PIEZO2: variants seen among roughly 807,000 people sequenced by gnomAD.
PIEZO2 encodes the protein piezo-type mechanosensitive ion channel component 2.
In PIEZO2, 172 loss-of-function variants were observed where a neutral mutation model predicts 337.3. The observed-to-expected ratio is 0.51, with a 90% confidence interval of 0.45 to 0.58. The LOEUF is 0.58. Among genes scored for constraint, PIEZO2 ranks in the 20% least tolerant of loss-of-function variants. PIEZO2 has a pLI of 0.00. For synonymous variants in PIEZO2, 1,251 were observed against 1,228.5 expected, an observed-to-expected ratio of 1.02 and a Z score of -0.38; for missense variants, 3,028 against 3,391.3, an observed-to-expected ratio of 0.89 and a Z score of 2.66.
Position 10,707,371 on chromosome 18 carries a change from G to T in PIEZO2, c.5588+904C>A, listed in dbSNP as rs957888110. On this transcript the variant is annotated intron_variant, in intron 40 of 55. Coordinates refer to ENST00000674853, the MANE Select transcript of PIEZO2 (RefSeq NM_001378183.1). This position sits in a 1 kb window ranked among gnomAD's most constrained non-coding sequence, Gnocchi z 4.2. ...CATGGCAGGCACATGCCCGCCAGAG[G>T]ACTTTGTCAAATGGCCAAGGCATTC... is the stretch of plus-strand genomic sequence containing the variant. 6.6e-6 allele frequency among the ~76,000 whole-genome samples: 1 copy of T among 152,082 alleles called. No homozygotes were observed. Among genetic ancestry groups the T allele is most frequent in the African/African-American group, 2.4e-5 (1 of 41,404 alleles).
At chr18:10,843,060 T>G (rs11875480) in intron 7 of PIEZO2, among the ~76,000 whole-genome samples, 10,520 of 152,258 alleles carry the variant, frequency 0.069, 428 homozygotes, top group Non-Finnish European at 0.084. Flanking sequence ...ACAATCCAAG[T>G]AGTTATGAGG....
chr18:11,124,229 A>G (rs1313115024), intron 1 of PIEZO2, among the ~76,000 whole-genome samples: 1 of 152,204 alleles, frequency 6.6e-6, no homozygotes, highest in African/African-American at 2.4e-5. Context: ...GAGTTGCTCA[A>G]TATTTGCATG....
chr18:10,830,106 C>A lies in PIEZO2; in HGVS notation c.918-22832G>T, dbSNP rs185026050. ...CTGGCATAAAAACAGACACACAGACCAATGGAACAGAATAGGGAAGCCAGT... is the reference window on the plus strand; with the variant it reads ...CTGGCATAAAAACAGACACACAGACAAATGGAACAGAATAGGGAAGCCAGT... On this transcript the variant is annotated intron_variant, in intron 7 of 55. Transcript: ENST00000674853. The surrounding 1 kb of genome is among the most constrained non-coding windows in gnomAD (Gnocchi z 4.7). Among the ~76,000 whole-genome samples the A allele has an allele frequency of 9.2e-5, 14 of 152,192 alleles. No homozygotes were observed. Among genetic ancestry groups the A allele is most frequent in the African/African-American group, 3.1e-4 (13 of 41,528 alleles).
At chr18:10,966,176 T>C (rs1005769182) in intron 3 of PIEZO2, among the ~76,000 whole-genome samples, 5 of 152,206 alleles carry the variant, frequency 3.3e-5, no homozygotes, top group African/African-American at 4.8e-5. Context: ...CAGGAAGGTA[T>C]AGTCCTTCAC....
chr18:10,691,026 C>A (rs968634740), intron 48 of PIEZO2, among the ~76,000 whole-genome samples, 199 bp downstream of exon 48: 4 of 152,138 alleles, frequency 2.6e-5, no homozygotes, highest in African/African-American at 9.7e-5. Context: ...AGAACAGCAC[C>A]TGGACAGGCT....
At chr18:10,885,535 A>G (rs1228409724) in intron 4 of PIEZO2, among the ~76,000 whole-genome samples, 1 of 152,178 alleles carries the variant, frequency 6.6e-6, no homozygotes, top group Non-Finnish European at 1.5e-5. Context: ...GGCAGTCTGA[A>G]ACAACATGAT....
At chr18:10,754,496 G>T (rs577913076) in intron 27 of PIEZO2, among the ~76,000 whole-genome samples, 1 of 152,300 alleles carries the variant, frequency 6.6e-6, no homozygotes, top group Admixed American at 6.5e-5. Flanking sequence ...ACAAAAATTT[G>T]AAATAACTAA....
At chr18:11,138,746 TA>T (rs2146271473) in intron 1 of PIEZO2, among the ~76,000 whole-genome samples, 1 of 152,320 alleles carries the variant, frequency 6.6e-6, no homozygotes, top group African/African-American at 2.4e-5. Context: ...CAACATTCTG[TA>T]ATGAGTATGC....
rs1168987688 is a variant in PIEZO2 at position 10,726,457 on chromosome 18, C to T, written c.5029+4950G>A. On this transcript the variant is annotated intron_variant, in intron 36 of 55. Transcript: ENST00000674853. The surrounding 1 kb of genome is among the most constrained non-coding windows in gnomAD (Gnocchi z 5.9). Reference sequence around the variant, plus strand: ...CGGTACGGGCTACGGCCGGCGAACCCCACGAGGAGGGCCTGGCCACCCTGC... The same window carrying T: ...CGGTACGGGCTACGGCCGGCGAACCTCACGAGGAGGGCCTGGCCACCCTGC... 7 of 1,529,200 alleles carry T rather than the reference C, an allele frequency of 4.6e-6. No homozygotes were observed. Among genetic ancestry groups the T allele is most frequent in the Non-Finnish European group, 6.1e-6 (7 of 1,144,676 alleles). The allele number at this position is 1,529,200 out of a possible 1,614,324, so 94.7% of individuals were successfully genotyped here.
At position 10,993,711 on chromosome 18, in the gene PIEZO2, T is replaced by A. The variant is rs2035195471; in HGVS notation, c.161-14051A>T. Among the ~76,000 whole-genome samples, 1 of 152,184 alleles carries A rather than the reference T, an allele frequency of 6.6e-6. No individual in the cohort carries two copies. The highest frequency in any genetic ancestry group is 1.5e-5 in the Non-Finnish European group (1 of 68,038). On this transcript the variant is annotated intron_variant, in intron 2 of 55. Transcript: ENST00000674853. This position sits in a 1 kb window ranked among gnomAD's most constrained non-coding sequence, Gnocchi z 5.0. ...CCGGCTAATTTTTCTGTATTTTTAG[T>A]AGAGACGGTGTTTCACCATGTTAGC... is the stretch of plus-strand genomic sequence containing the variant.
rs767196433 is a variant in PIEZO2 at position 10,677,752 on chromosome 18, T to C, written c.8076A>G (p.Thr2692=). ...GTAGGAAAAAATACACTTACACTGG[T>C]GTTTTTGAACTTTCTGTGCTGTTGC... ...IAGNSTESSK[T]PVTIEKIYPY... The change falls in exon 53 of 56, where the codon ACA becomes ACG. Residue 2692 remains threonine (T), a synonymous_variant. Coordinates refer to ENST00000674853, the MANE Select transcript of PIEZO2 (RefSeq NM_001378183.1). This position sits in a 1 kb window ranked among gnomAD's most constrained non-coding sequence, Gnocchi z 4.1. 2 of 1,608,656 alleles carry C rather than the reference T, an allele frequency of 1.2e-6. No individual in the cohort carries two copies. Among genetic ancestry groups the C allele is most frequent in the Non-Finnish European group, 1.7e-6 (2 of 1,178,788 alleles).
chr18:10,967,795 C>T (rs2034073572), intron 3 of PIEZO2, among the ~76,000 whole-genome samples: 1 of 151,976 alleles, frequency 6.6e-6, no homozygotes, highest in Non-Finnish European at 1.5e-5. Flanking sequence ...AGATTCTTTG[C>T]TTCCTTACTG....
chr18:10,936,373 T>A (rs1256029442), intron 3 of PIEZO2, among the ~76,000 whole-genome samples: 4 of 152,070 alleles, frequency 2.6e-5, no homozygotes, highest in Non-Finnish European at 5.9e-5. Flanking sequence ...TCTCCTGGAG[T>A]CTGGCCTCAT....
At chr18:10,791,848 A>G (rs1377938258) in intron 13 of PIEZO2, among the ~76,000 whole-genome samples, 2 of 152,210 alleles carry the variant, frequency 1.3e-5, no homozygotes, top group African/African-American at 4.8e-5. Flanking sequence ...CCATGCTTTC[A>G]TAGTAACATT....
Position 11,094,167 on chromosome 18 carries a change from C to A in PIEZO2, c.65-27945G>T, listed in dbSNP as rs991529869. Among the ~76,000 whole-genome samples the A allele has an allele frequency of 6.6e-5, 10 of 151,964 alleles. No individual in the cohort carries two copies. Among genetic ancestry groups the A allele is most frequent in the Non-Finnish European group, 1.2e-4 (8 of 67,984 alleles). ...CTAATTTTTCTATTTTTAATAGAGA[C>A]CAGGTTTCATCATGTTGGCCAGGCT... On this transcript the variant is annotated intron_variant, in intron 1 of 55. Coordinates refer to ENST00000674853, the MANE Select transcript of PIEZO2 (RefSeq NM_001378183.1). This position sits in a 1 kb window ranked among gnomAD's most constrained non-coding sequence, Gnocchi z 4.4.
At chr18:10,921,049 G>T (rs144810730) in intron 3 of PIEZO2, among the ~76,000 whole-genome samples, 12 of 152,114 alleles carry the variant, frequency 7.9e-5, no homozygotes, top group African/African-American at 2.9e-4. Flanking sequence ...GCGAAACTCC[G>T]TCTCAAAAAC....
Position 11,128,726 on chromosome 18 carries a change from TATAA to T in PIEZO2, c.64+19795_64+19798del. Among the ~76,000 whole-genome samples the T allele has an allele frequency of 6.6e-6, 1 of 152,290 alleles. No individual in the cohort carries two copies. The highest frequency in any genetic ancestry group is 2.4e-5 in the African/African-American group (1 of 41,566). ...CAACACCTCTGTTTGCTTCTAGACC[TATAA>T]ATAGACTAAAGTCCTGGCAGGTCCC... On this transcript the variant is annotated intron_variant, in intron 1 of 55. Coordinates refer to ENST00000674853, the MANE Select transcript of PIEZO2 (RefSeq NM_001378183.1). This position sits in a 1 kb window ranked among gnomAD's most constrained non-coding sequence, Gnocchi z 4.1.
At chr18:10,788,025 A>C (rs2039282513) in intron 15 of PIEZO2, among the ~76,000 whole-genome samples, 2 of 152,174 alleles carry the variant, frequency 1.3e-5, no homozygotes, top group South Asian at 4.1e-4. Context: ...TCTGACCCTA[A>C]AGCCTGAAAT....
intron 2 of PIEZO2, among the ~76,000 whole-genome samples, chr18:10,989,015 A>C (rs1189247383): frequency 6.6e-6 from 1 of 152,196 alleles, no homozygotes; most frequent in Non-Finnish European, 1.5e-5. Flanking sequence ...TCTACTATAC[A>C]GCATAGTGAT....
Sources: allele counts gnomAD v4.1 joint callset (sites outside exome capture counted in the v4.1 genomes callset), GRCh38; gene constraint gnomAD v4.1.1; non-coding constraint Gnocchi (gnomAD v3.1); transcripts MANE v1.5; gene names NCBI Gene and HGNC (gene_info 2026-07-23, HGNC 2026-07-21).